The following RIF1 variants were observed in gnomAD, a reference collection of about 807,000 sequenced individuals.
RIF1 encodes the protein replication timing regulatory factor 1.
A neutral mutation model predicts 247.1 loss-of-function variants in RIF1; 45 were observed. The observed-to-expected ratio is 0.18, with a 90% CI of 0.14 to 0.23. The LOEUF (loss-of-function observed/expected upper bound fraction) is 0.23, where lower values mean the gene tolerates loss of function less well. Ranked by LOEUF, RIF1 falls within the 10% of genes least tolerant of loss-of-function variation. RIF1 has a pLI of 1.00. For missense variants in RIF1, 2,967 were observed against 2,862.5 expected, an observed-to-expected ratio of 1.04 and a Z score of -0.83; for synonymous variants, 1,087 against 978.8, an observed-to-expected ratio of 1.11 and a Z score of -2.06.
chr2:151,477,184 C>G lies in RIF1; in HGVS notation c.*2113C>G, dbSNP rs879779992. 1.3e-5 allele frequency: 2 copies of G among 152,204 alleles called. No individual in the cohort carries two copies. The highest frequency in any genetic ancestry group is 2.9e-5 in the Non-Finnish European group (2 of 68,040). 9.4% of individuals were successfully genotyped at this position (152,204 alleles called of 1,614,324 possible). A position where few individuals can be genotyped will look rare whatever the true frequency, so the allele number is the denominator to read the frequency against. ...TGGCAACTTATTTGCAATATTCTTG[C>G]CTTAAAGTTTCCTGCAAATTTCCCC... On this transcript the variant is annotated 3_prime_UTR_variant, in exon 36 of 36. Coordinates refer to ENST00000444746, the MANE Select transcript of RIF1 (RefSeq NM_018151.5).
chr2:151,490,719 A>G (rs2055783186), intron 9 of RIF1, among the ~76,000 whole-genome samples: 1 of 152,210 alleles, frequency 6.6e-6, no homozygotes, highest in African/African-American at 2.4e-5. Flanking sequence ...TACATGACCA[A>G]AGGTCATGGA....
At chr2:151,434,293 A>G (rs1293734055) in intron 10 of RIF1, among the ~76,000 whole-genome samples, 3 of 152,020 alleles carry the variant, frequency 2.0e-5, no homozygotes, top group East Asian at 3.9e-4. Context: ...ACTGAATCCT[A>G]TTTATAGGTT....
chr2:151,523,205 C>A, the RIF1 span, among the ~76,000 whole-genome samples: 1 of 152,112 alleles, frequency 6.6e-6, no homozygotes, highest in African/African-American at 2.4e-5. Flanking sequence ...GATCCCATAT[C>A]TTAGTTTCAA....
In RIF1 at chr2:151,463,678, G is replaced by A. The variant is rs756324944; in HGVS notation, c.4158G>A (p.Glu1386=). ...TAGAAATTAATTTGGAATCCAAAGA[G>A]AATACACCCCCAGTAGTAATATCAG... ...KNVEINLESK[E]NTPPVVISAD... Residue 1386 remains glutamate, a synonymous_variant, in exon 30 of 36, where the codon GAG becomes GAA. Coordinates refer to ENST00000444746, the MANE Select transcript of RIF1 (RefSeq NM_018151.5). 3 of 1,613,814 alleles carry A rather than the reference G, an allele frequency of 1.9e-6. No homozygotes were observed. The Admixed American group carries it at 5.0e-5, about 27-fold the overall frequency.
chr2:151,445,228 T>G, intron 18 of RIF1, 110 bp from the exon 19 acceptor site: 1 of 696,572 alleles, frequency 1.4e-6, no homozygotes, highest in South Asian at 1.6e-5. Flanking sequence ...ATTTTGAATC[T>G]CATCATTGGG....
In RIF1 at chr2:151,438,751, G is replaced by A. The variant is rs1318220354; in HGVS notation, c.1546+5G>A. The A allele has an allele frequency of 3.1e-6, 5 of 1,592,688 alleles. No homozygotes were observed. The highest frequency in any genetic ancestry group is 4.3e-6 in the Non-Finnish European group (5 of 1,160,670). On this transcript the variant is annotated splice_donor_5th_base_variant and intron_variant, in intron 14 of 35. Coordinates refer to ENST00000444746, the MANE Select transcript of RIF1 (RefSeq NM_018151.5). ...TGAAGTCAGTTACTGAATCAGGTAA[G>A]CACTATTACACTGATCAAATGTTGT...
intron 8 of RIF1, among the ~76,000 whole-genome samples, chr2:151,425,214 G>A (rs1688836092): frequency 6.6e-6 from 1 of 152,062 alleles, no homozygotes; most frequent in African/African-American, 2.4e-5. Context: ...GTGGAGAAAT[G>A]TCTAAGTCCT....
rs766845229 is a variant in RIF1 at position 151,493,360 on chromosome 2, A to G, written c.*416-1869A>G. Reference sequence around the variant, plus strand: ...TTTAGTCCTAGAAAATACCGAGCTAATGTTTTCTTGGTTGCGCTTAGCTCT... The same window carrying G: ...TTTAGTCCTAGAAAATACCGAGCTAGTGTTTTCTTGGTTGCGCTTAGCTCT... On this transcript the variant is annotated intron_variant and NMD_transcript_variant, in intron 9 of 13. Coordinates refer to the RIF1 transcript ENST00000454583. 6.8e-6 allele frequency: 11 copies of G among 1,609,660 alleles called. No homozygotes were observed. The highest frequency in any genetic ancestry group is 1.1e-5 in the South Asian group (1 of 90,694).
At chr2:151,414,722 A>C in intron 3 of RIF1, 101 bp from the exon 4 acceptor site, 2 of 709,866 alleles carry the variant, frequency 2.8e-6, no homozygotes, top group Non-Finnish European at 4.8e-6. Context: ...GATTTGTTGG[A>C]GTAACATGAT....
In RIF1 at chr2:151,455,126, C is replaced by A. The variant is rs1456787862; in HGVS notation, c.2576C>A (p.Thr859Lys). Reference sequence around the variant, plus strand: ...ATCCGAAAAATATTTGCAACTTTAACAAGACCTCTGGCATTATTTTATGAA... The same window carrying A: ...ATCCGAAAAATATTTGCAACTTTAAAAAGACCTCTGGCATTATTTTATGAA... ...SMIRKIFATL[T>K]RPLALFYENS... Residue 859 changes from threonine (T) to lysine (K), a missense_variant, in exon 22 of 36, where the codon ACA (threonine) becomes AAA (lysine). Thr to Lys is a moderately conservative substitution (Grantham distance 78, BLOSUM62 -1). This residue lies in a region of RIF1 where 2,028 missense variants were observed against 1,825.6 expected (regional missense o/e 1.11). Transcript: ENST00000444746. The A allele has an allele frequency of 6.2e-7, 1 of 1,612,780 alleles. No individual in the cohort carries two copies. The highest frequency in any genetic ancestry group is 8.5e-7 in the Non-Finnish European group (1 of 1,179,160).
chr2:151,437,216 A>G (rs1238950830), intron 12 of RIF1, 25 bp from the exon 13 acceptor site: 1 of 1,528,772 alleles, frequency 6.5e-7, no homozygotes, highest in South Asian at 1.1e-5. Context: ...GTTTTACATA[A>G]TTATCTTTTA....
chr2:151,502,119 A>G (rs1213348408), intron 11 of RIF1, among the ~76,000 whole-genome samples: 1 of 152,238 alleles, frequency 6.6e-6, no homozygotes, highest in Non-Finnish European at 1.5e-5. Context: ...TAACTCAGGA[A>G]TGGAAAACCA....
Position 151,477,869 on chromosome 2 carries a change from C to G in RIF1, c.*2798C>G, listed in dbSNP as rs1478416828. On this transcript the variant is annotated 3_prime_UTR_variant, in exon 36 of 36. Coordinates refer to ENST00000444746, the MANE Select transcript of RIF1 (RefSeq NM_018151.5). ...GGATTACAGGTGCCTGCCACCACCA[C>G]TGGTTAATTTTTGTATTTTTAGTAG... The G allele has an allele frequency of 6.6e-6, 1 of 152,242 alleles. No homozygotes were observed. The highest frequency in any genetic ancestry group is 2.4e-5 in the African/African-American group (1 of 41,438). 9.4% of individuals were successfully genotyped at this position (152,242 alleles called of 1,614,324 possible).
At chr2:151,522,863 C>G in the RIF1 span, among the ~76,000 whole-genome samples, 50 of 152,274 alleles carry the variant, frequency 3.3e-4, 1 homozygote, top group African/African-American at 1.2e-3. Context: ...ACAGCAAAGT[C>G]AGAACAGGGA....
chr2:151,501,514 C>T, intron 11 of RIF1: 1 of 1,269,168 alleles, frequency 7.9e-7, no homozygotes. Flanking sequence ...AACAAATCAA[C>T]CTGGACCCAT....
At chr2:151,455,488 G>A (rs1051023734) in intron 22 of RIF1, among the ~76,000 whole-genome samples, 10 of 152,104 alleles carry the variant, frequency 6.6e-5, no homozygotes, top group African/African-American at 2.2e-4. Context: ...TAATTATATG[G>A]TATGCACTTA....
chr2:151,460,173 A>T, intron 26 of RIF1, 54 bp downstream of exon 26: 1 of 1,311,924 alleles, frequency 7.6e-7, no homozygotes, highest in Non-Finnish European at 1.0e-6. Flanking sequence ...ATTGTAACTT[A>T]CATACAACTT....
At chr2:151,494,331 ACTTTTGATTAT>A in intron 9 of RIF1, 1 of 971,656 alleles carries the variant, frequency 1.0e-6, no homozygotes, top group South Asian at 1.5e-5. Context: ...GGTACAGATA[ACTTTTGATTAT>A]CTTTAGGGCC....
chr2:151,466,389 C>T (rs1696880895), intron 30 of RIF1, among the ~76,000 whole-genome samples: 2 of 152,200 alleles, frequency 1.3e-5, no homozygotes, highest in Admixed American at 6.5e-5. Flanking sequence ...ATTGATAAGG[C>T]TCCTAGCATC....
Sources: gnomAD v4.1 joint callset for allele counts (sites outside exome capture counted in the v4.1 genomes callset) on GRCh38, gnomAD v4.1.1 for gene constraint, gnomAD v4.1.1 regional missense constraint, MANE v1.5 for transcripts, NCBI Gene and HGNC (gene_info 2026-07-23, HGNC 2026-07-21) for gene names.